ZNF536: variants seen among roughly 807,000 people sequenced by gnomAD.
ZNF536 encodes zinc finger protein 536.
A neutral mutation model predicts 84.5 loss-of-function variants in ZNF536; 13 were observed. That is an observed-to-expected ratio of 0.15 (90% confidence interval 0.10 to 0.24). The LOEUF (loss-of-function observed/expected upper bound fraction) is 0.24, where lower values mean the gene tolerates loss of function less well. Among genes scored for constraint, ZNF536 ranks in the 10% least tolerant of loss-of-function variants. The probability of loss-of-function intolerance (pLI) is 1.00; values close to 1 mark genes in which losing one functional copy is unlikely to be tolerated. For synonymous variants in ZNF536, 811 were observed against 742.5 expected, an observed-to-expected ratio of 1.09 and a Z score of -1.50; for missense variants, 1,536 against 1,747.5, an observed-to-expected ratio of 0.88 and a Z score of 2.16.
chr19:30,686,852 A>G (rs906523530), intron 1 of ZNF536, among the ~76,000 whole-genome samples: 3 of 151,970 alleles, frequency 2.0e-5, no homozygotes, highest in African/African-American at 7.3e-5. Flanking sequence ...ATCGATGATC[A>G]TGTGGTATAA....
intron 2 of ZNF536, among the ~76,000 whole-genome samples, chr19:30,467,427 G>A (rs541081573): frequency 1.3e-5 from 2 of 152,208 alleles, no homozygotes; most frequent in Non-Finnish European, 2.9e-5. Context: ...ATTCATTCAT[G>A]TTGCAGCCTG....
chr19:30,572,851 C>G (rs1451122760), intron 1 of ZNF536, among the ~76,000 whole-genome samples: 4 of 152,158 alleles, frequency 2.6e-5, no homozygotes, highest in Non-Finnish European at 4.4e-5. Context: ...AGACTAGAGA[C>G]AGTATCACAT....
intron 2 of ZNF536, among the ~76,000 whole-genome samples, chr19:30,318,239 C>A (rs943300945): frequency 6.6e-6 from 1 of 152,214 alleles, no homozygotes; most frequent in Non-Finnish European, 1.5e-5. Flanking sequence ...CTGTGCTGTG[C>A]CCAGAACTGT....
intron 1 of ZNF536, among the ~76,000 whole-genome samples, chr19:30,654,414 C>T (rs1019594496): frequency 9.2e-5 from 14 of 151,932 alleles, no homozygotes; most frequent in Non-Finnish European, 1.5e-4. Context: ...TCACCACCCC[C>T]CTTATTCACC....
intron 2 of ZNF536, among the ~76,000 whole-genome samples, chr19:30,320,319 T>A (rs2046812057): frequency 6.6e-6 from 1 of 152,268 alleles, no homozygotes; most frequent in African/African-American, 2.4e-5. Context: ...TGAATTAAAC[T>A]GAATTAATGG....
chr19:30,675,185 G>A (rs577948032), intron 1 of ZNF536, among the ~76,000 whole-genome samples: 16 of 152,288 alleles, frequency 1.1e-4, no homozygotes, highest in African/African-American at 3.9e-4. Context: ...ATGCCATTTA[G>A]GCTTTGGGGG....
chr19:30,361,038 A>C (rs1285448905), intron 3 of ZNF536, among the ~76,000 whole-genome samples: 2 of 152,194 alleles, frequency 1.3e-5, no homozygotes, highest in Non-Finnish European at 2.9e-5. Flanking sequence ...TCACTCTGAC[A>C]GATAGTGCCT....
At chr19:30,465,265 G>T (rs1364141900) in intron 2 of ZNF536, among the ~76,000 whole-genome samples, 1 of 152,100 alleles carries the variant, frequency 6.6e-6, no homozygotes, top group Non-Finnish European at 1.5e-5. Context: ...AGACCATCCT[G>T]TTACTGGCTT....
rs145812408 is a variant in ZNF536 at position 30,589,845 on chromosome 19, T to G, written c.169+40331T>G. On this transcript the variant is annotated intron_variant, in intron 1 of 1. Coordinates refer to the ZNF536 transcript ENST00000592773. ...GCCCTGTGTGCAGCCTGAGTGTATT[T>G]TCATCACTAGAAAAATGTCTGCAGA... Among the ~76,000 whole-genome samples the G allele has an allele frequency of 2.8e-4, 43 of 152,288 alleles. No individual in the cohort carries two copies. In the East Asian group the frequency reaches 7.9e-3, roughly 28 times the overall value.
At chr19:30,302,840 G>A (rs553100172) in intron 2 of ZNF536, among the ~76,000 whole-genome samples, 10 of 152,104 alleles carry the variant, frequency 6.6e-5, no homozygotes, top group Non-Finnish European at 1.3e-4. Context: ...GGGTGCAGCA[G>A]ACGCAGTGCA....
intron 1 of ZNF536, among the ~76,000 whole-genome samples, chr19:30,569,773 T>C (rs1042593435): frequency 1.3e-5 from 2 of 151,856 alleles, no homozygotes; most frequent in Admixed American, 6.6e-5. Context: ...GGTTTCACCA[T>C]GTTGGCCAGG....
At chr19:30,230,481 C>T (rs1483704210) in intron 1 of ZNF536, among the ~76,000 whole-genome samples, 1 of 152,230 alleles carries the variant, frequency 6.6e-6, no homozygotes, top group African/African-American at 2.4e-5. Context: ...ATCTTCGCAA[C>T]TCAGCAACTT....
At chr19:30,590,520 T>C (rs914993094) in intron 1 of ZNF536, among the ~76,000 whole-genome samples, 8 of 152,356 alleles carry the variant, frequency 5.3e-5, no homozygotes, top group African/African-American at 1.9e-4. Context: ...TTCTTTGTGT[T>C]TCACCCTGTC....
At chr19:30,528,907 C>T (rs1266951005) in intron 2 of ZNF536, among the ~76,000 whole-genome samples, 4 of 143,602 alleles carry the variant, frequency 2.8e-5, no homozygotes, top group Middle Eastern at 3.5e-3. Flanking sequence ...GTGGGGTCAG[C>T]GGGGAGAATG....
chr19:30,497,197 C>A (rs1046358903), intron 2 of ZNF536, among the ~76,000 whole-genome samples: 1 of 152,132 alleles, frequency 6.6e-6, no homozygotes, highest in Non-Finnish European at 1.5e-5. Context: ...GCCCCGTGAG[C>A]GGCTTGAGTC....
At chr19:30,575,242 C>A (rs939703798) in intron 1 of ZNF536, among the ~76,000 whole-genome samples, 1 of 152,194 alleles carries the variant, frequency 6.6e-6, no homozygotes, top group African/African-American at 2.4e-5. Context: ...AGCCAGAAGC[C>A]CTAGACCTGT....
exon 2 of ZNF536, chr19:30,711,798 TAAA>T (rs1393998075): frequency 6.6e-6 from 1 of 151,844 alleles, no homozygotes; most frequent in Non-Finnish European, 1.5e-5. Flanking sequence ...AAGTTGCTAT[TAAA>T]AAAAAGTAGG....
In ZNF536 at chr19:30,445,514, G is replaced by A. The variant is rs747170474; in HGVS notation, c.1952G>A (p.Arg651His). 1 of 1,614,004 alleles carries A rather than the reference G, an allele frequency of 6.2e-7. No individual in the cohort carries two copies. ...TACCACCAGGTGGTCGTGCACTCCC[G>A]TGTCCACAAGCGGGACCGCAAGGGC... ...RTYHQVVVHS[R>H]VHKRDRKGEE... The change falls in exon 2 of 5, where the codon CGT becomes CAT. Residue 651 changes from arginine to histidine, a missense_variant. Arg to His is a conservative substitution (Grantham distance 29). This residue lies in a region of ZNF536 where 366 missense variants were observed against 364.4 expected (regional missense o/e 1.00). Coordinates refer to ENST00000355537, the MANE Select transcript of ZNF536 (RefSeq NM_014717.3). This position sits in a 1 kb window ranked among gnomAD's most constrained non-coding sequence, Gnocchi z 4.5.
intron 1 of ZNF536, among the ~76,000 whole-genome samples, chr19:30,406,936 C>A (rs191901927): frequency 2.5e-4 from 38 of 152,326 alleles, no homozygotes; most frequent in South Asian, 2.5e-3. Context: ...AGAGGGCATC[C>A]CCAACCTCTG....
Sources: gnomAD v4.1 joint callset for allele counts (sites outside exome capture counted in the v4.1 genomes callset) on GRCh38, gnomAD v4.1.1 for gene constraint, gnomAD v4.1.1 regional missense constraint, Gnocchi (gnomAD v3.1) non-coding constraint, MANE v1.5 for transcripts, NCBI Gene and HGNC (gene_info 2026-07-23, HGNC 2026-07-21) for gene names.